Variants in TRIM33 observed in about 807,000 individuals in gnomAD.
The protein encoded by TRIM33 is tripartite motif containing 33, also known as E3 ubiquitin-protein ligase TRIM33.
In TRIM33, 20 loss-of-function variants were observed where a neutral mutation model predicts 125.4. That is an observed-to-expected ratio of 0.16 (90% confidence interval 0.11 to 0.23). The LOEUF (loss-of-function observed/expected upper bound fraction) is 0.23, where lower values mean the gene tolerates loss of function less well. Ranked by LOEUF, TRIM33 falls within the 10% of genes least tolerant of loss-of-function variation. TRIM33 has a pLI of 1.00. For synonymous variants in TRIM33, 564 were observed against 513.9 expected, an observed-to-expected ratio of 1.10 and a Z score of -1.32; for missense variants, 920 against 1,411.4, an observed-to-expected ratio of 0.65 and a Z score of 5.58.
At chr1:114,404,639 C>G (rs1311124922) in intron 15 of TRIM33, 2 of 152,040 alleles carry the variant, frequency 1.3e-5, no homozygotes, top group African/African-American at 4.8e-5. Flanking sequence ...ACATCTCTAG[C>G]AAATAACTCT....
At chr1:114,476,187 T>C (rs114965782) in intron 1 of TRIM33, among the ~76,000 whole-genome samples, 1 of 151,888 alleles carries the variant, frequency 6.6e-6, no homozygotes, top group Admixed American at 6.5e-5. Context: ...TTTAAAAAAT[T>C]TGATCTTGTA....
chr1:114,428,552 C>T (rs187272668), intron 6 of TRIM33, among the ~76,000 whole-genome samples: 7 of 152,328 alleles, frequency 4.6e-5, no homozygotes, highest in African/African-American at 1.7e-4. Flanking sequence ...TGACATTCAG[C>T]ATGCTGAACA....
chr1:114,455,551 A>C, intron 4 of TRIM33, among the ~76,000 whole-genome samples: 1 of 152,238 alleles, frequency 6.6e-6, no homozygotes, highest in East Asian at 1.9e-4. Context: ...GAGTTAAGTC[A>C]TAAGAAAACA....
At chr1:114,440,370 A>G (rs550342883) in intron 4 of TRIM33, among the ~76,000 whole-genome samples, 32 of 152,106 alleles carry the variant, frequency 2.1e-4, no homozygotes, top group Non-Finnish European at 4.3e-4. Context: ...AAATTGCATA[A>G]TTTTTCAAGG....
intron 1 of TRIM33, among the ~76,000 whole-genome samples, chr1:114,498,440 G>C (rs961579910): frequency 2.0e-5 from 3 of 152,120 alleles, no homozygotes; most frequent in Non-Finnish European, 4.4e-5. Context: ...CTGAGGTCAG[G>C]AGTTCAAGAC....
rs11367427 is a variant in TRIM33 at position 114,461,215 on chromosome 1, A to AATAT, written c.923+1885_923+1888dup. ...GACAGAGCAAGAACCTGTCTTTAAA[A>AATAT]ATATATATATATATATATATACATA... is the stretch of plus-strand genomic sequence containing the variant. On this transcript the variant is annotated intron_variant, in intron 4 of 19. Coordinates refer to ENST00000358465, the MANE Select transcript of TRIM33 (RefSeq NM_015906.4). Among the ~76,000 whole-genome samples, 695 of 133,108 alleles carry AATAT rather than the reference A, an allele frequency of 5.2e-3. 2 individuals carry two copies. The highest frequency in any genetic ancestry group is 0.03 in the Middle Eastern group (8 of 266). The allele number at this position is 133,108 out of a possible 152,430, so 87.3% of individuals were successfully genotyped here.
chr1:114,397,403 A>C lies in TRIM33; in HGVS notation c.*245T>G. The C allele has an allele frequency of 3.9e-6, 2 of 510,222 alleles. No individual in the cohort carries two copies. The highest frequency in any genetic ancestry group is 3.3e-5 in the East Asian group (1 of 30,266). 31.6% of individuals were successfully genotyped at this position (510,222 alleles called of 1,614,324 possible). On this transcript the variant is annotated 3_prime_UTR_variant, in exon 20 of 20. Coordinates refer to ENST00000358465, the MANE Select transcript of TRIM33 (RefSeq NM_015906.4). ...TCTCCATTAGAACAGAAATCCTCAA[A>C]TCATTTCACTTTTGCTTTTTGCTTT...
chr1:114,447,229 T>C (rs1649035999), intron 4 of TRIM33, among the ~76,000 whole-genome samples: 1 of 151,936 alleles, frequency 6.6e-6, no homozygotes, highest in African/African-American at 2.4e-5. Flanking sequence ...AGGCAAGAAA[T>C]GATGGTGGCA....
At chr1:114,452,249 C>A (rs1232586083) in intron 4 of TRIM33, among the ~76,000 whole-genome samples, 1 of 151,960 alleles carries the variant, frequency 6.6e-6, no homozygotes, top group Non-Finnish European at 1.5e-5. Context: ...ATCACGAGGT[C>A]GAGAGATTGA....
intron 16 of TRIM33, among the ~76,000 whole-genome samples, chr1:114,402,127 C>A (rs1397162796): frequency 6.6e-6 from 1 of 152,040 alleles, no homozygotes; most frequent in Non-Finnish European, 1.5e-5. Context: ...CTGTCTTTGG[C>A]AATCAGACTA....
chr1:114,407,240 A>T, intron 13 of TRIM33, 140 bp from the exon 14 acceptor site: 1 of 706,836 alleles, frequency 1.4e-6, no homozygotes, highest in Non-Finnish European at 2.3e-6. Flanking sequence ...CTCATAATGT[A>T]GTTAAGGGGA....
At chr1:114,489,482 A>G (rs1054640026) in intron 1 of TRIM33, among the ~76,000 whole-genome samples, 1 of 152,164 alleles carries the variant, frequency 6.6e-6, no homozygotes, top group African/African-American at 2.4e-5. Flanking sequence ...AGTGGCTCAC[A>G]CCTCTAATCC....
In TRIM33 at chr1:114,510,858, G is replaced by C; in HGVS notation, c.219C>G (p.Gly73=). ...CAGGAGATGAAGCAGCCTGGGCCGA[G>C]CCCGAGGAGGCCGCGGCCACCCCCC... is the stretch of plus-strand genomic sequence containing the variant. ...DDGGVAAASS[G]SAQAASSPAA... Residue 73 remains glycine (G), a synonymous_variant, in exon 1 of 20, where the codon GGC becomes GGG. Transcript: ENST00000358465. 6.8e-7 allele frequency: 1 copy of C among 1,471,426 alleles called. No homozygotes were observed. The allele number at this position is 1,471,426 out of a possible 1,614,324, so 91.1% of individuals were successfully genotyped here. A position where few individuals can be genotyped will look rare whatever the true frequency, so the allele number is the denominator to read the frequency against.
rs146086735 is a variant in TRIM33 at position 114,396,463 on chromosome 1, C to T, written c.*1185G>A. The T allele has an allele frequency of 2.4e-3, 466 of 195,544 alleles. 4 individuals carry two copies. Among genetic ancestry groups the T allele is most frequent in the African/African-American group, 1.0e-2 (432 of 43,296 alleles). The allele number at this position is 195,544 out of a possible 1,614,324, so 12.1% of individuals were successfully genotyped here. A position where few individuals can be genotyped will look rare whatever the true frequency, so the allele number is the denominator to read the frequency against. On this transcript the variant is annotated 3_prime_UTR_variant, in exon 20 of 20. Coordinates refer to ENST00000358465, the MANE Select transcript of TRIM33 (RefSeq NM_015906.4). ...GGTTTATTTCAATATTTCGATATTT[C>T]AATAATAAGCTGCTTCTGAAGATTT...
In TRIM33 at chr1:114,397,331, T is replaced by C. The variant is rs769089463; in HGVS notation, c.*317A>G. 2.5e-6 allele frequency: 1 copy of C among 404,450 alleles called. No homozygotes were observed. Among genetic ancestry groups the C allele is most frequent in the Non-Finnish European group, 4.5e-6 (1 of 223,310 alleles). 25.1% of individuals were successfully genotyped at this position (404,450 alleles called of 1,614,324 possible). ...ATACCAAGTATCCTGCACCAATCAATAGCACACAATCATCAATATTTGCCA... is the reference window on the plus strand; with the variant it reads ...ATACCAAGTATCCTGCACCAATCAACAGCACACAATCATCAATATTTGCCA... On this transcript the variant is annotated 3_prime_UTR_variant, in exon 20 of 20. Coordinates refer to ENST00000358465, the MANE Select transcript of TRIM33 (RefSeq NM_015906.4).
rs985322403 is a variant in TRIM33, at chr1:114,511,127, T to TCGC, written c.-54_-52dup. 1,137 of 1,099,234 alleles carry TCGC rather than the reference T, an allele frequency of 1.0e-3. 3 individuals are homozygous for TCGC. The highest frequency in any genetic ancestry group is 1.2e-3 in the Non-Finnish European group (1,049 of 907,046). 68.1% of individuals were successfully genotyped at this position (1,099,234 alleles called of 1,614,324 possible). ...CGCCCCGCGCCGCCCGCCGCCCGCGTCGCCGCCGCCGCCGCCCCCAGCCCC... is the reference window on the plus strand; with the variant it reads ...CGCCCCGCGCCGCCCGCCGCCCGCGTCGCCGCCGCCGCCGCCGCCCCCAGCCCC... On this transcript the variant is annotated 5_prime_UTR_variant, in exon 1 of 20. Coordinates refer to ENST00000358465, the MANE Select transcript of TRIM33 (RefSeq NM_015906.4).
At chr1:114,466,446 C>T (rs6694561) in intron 1 of TRIM33, among the ~76,000 whole-genome samples, 2,156 of 152,284 alleles carry the variant, frequency 0.014, 29 homozygotes, top group South Asian at 0.041. Flanking sequence ...GCCCTTTACA[C>T]GTTCCTGGGA....
At chr1:114,433,815 A>T in intron 4 of TRIM33, 82 bp from the exon 5 acceptor site, 1 of 838,496 alleles carries the variant, frequency 1.2e-6, no homozygotes, top group East Asian at 2.5e-5. Flanking sequence ...AAATGAGTCA[A>T]TCTTGAAACC....
chr1:114,405,344 C>T (rs374471977), intron 15 of TRIM33, 66 bp downstream of exon 15: 1 of 1,292,064 alleles, frequency 7.7e-7, no homozygotes, highest in East Asian at 2.3e-5. Flanking sequence ...CTGCCCTGAA[C>T]ATTCTTCTGT....
Sources: gnomAD v4.1 joint callset for allele counts (sites outside exome capture counted in the v4.1 genomes callset) on GRCh38, gnomAD v4.1.1 for gene constraint, MANE v1.5 for transcripts, NCBI Gene and HGNC (gene_info 2026-07-23, HGNC 2026-07-21) for gene names.